Variants in OXCT1 observed in about 807,000 individuals in gnomAD.
OXCT1 encodes 3-oxoacid CoA-transferase 1, also known as succinyl-CoA:3-ketoacid coenzyme A transferase 1, mitochondrial.
A neutral mutation model predicts 69.6 loss-of-function variants in OXCT1; 27 were observed. The observed-to-expected ratio is 0.39, with a 90% CI of 0.29 to 0.54. The LOEUF is 0.54. Ranked by LOEUF, OXCT1 falls within the 20% of genes least tolerant of loss-of-function variation. The probability of loss-of-function intolerance (pLI) is 0.72; values close to 1 mark genes in which losing one functional copy is unlikely to be tolerated. For missense variants in OXCT1, 437 were observed against 650.2 expected, an observed-to-expected ratio of 0.67 and a Z score of 3.57; for synonymous variants, 202 against 217.8, an observed-to-expected ratio of 0.93 and a Z score of 0.64.
chr5:41,822,144 C>G (rs1747584268), intron 7 of OXCT1, among the ~76,000 whole-genome samples: 1 of 151,996 alleles, frequency 6.6e-6, no homozygotes, highest in Admixed American at 6.6e-5. Flanking sequence ...ACGCAGGTGA[C>G]ACGGATCTAG....
intron 5 of OXCT1, among the ~76,000 whole-genome samples, chr5:41,849,030 A>G (rs1001739676): frequency 1.3e-5 from 2 of 152,174 alleles, no homozygotes; most frequent in Non-Finnish European, 2.9e-5. Context: ...TTCGCAACCT[A>G]CTCTTCGGAC....
At chr5:41,820,325 T>C (rs372750955) in intron 7 of OXCT1, among the ~76,000 whole-genome samples, 59 of 152,300 alleles carry the variant, frequency 3.9e-4, no homozygotes, top group South Asian at 1.9e-3. Flanking sequence ...GGGGTTATAA[T>C]TGAAATTATC....
rs1414011350 is a variant in OXCT1, at chr5:41,780,801, T to C, written c.1248+13202A>G. On this transcript the variant is annotated intron_variant, in intron 13 of 16. Coordinates refer to ENST00000196371, the MANE Select transcript of OXCT1 (RefSeq NM_000436.4). ...GACCTGGAGAGTAAACTATACCATG[T>C]TCCTGGACAGGATGACTTAACTAAT... Among the ~76,000 whole-genome samples the C allele has an allele frequency of 3.3e-5, 5 of 152,210 alleles. No homozygotes were observed. In the East Asian group the frequency reaches 9.6e-4, roughly 29 times the overall value.
At chr5:41,834,296 G>C (rs953307778) in intron 7 of OXCT1, among the ~76,000 whole-genome samples, 7 of 151,886 alleles carry the variant, frequency 4.6e-5, no homozygotes, top group African/African-American at 1.7e-4. Context: ...GCACGAATAA[G>C]TCCCTACTTA....
At chr5:41,859,636 C>T (rs1274858874) in intron 3 of OXCT1, among the ~76,000 whole-genome samples, 1 of 151,874 alleles carries the variant, frequency 6.6e-6, no homozygotes, top group African/African-American at 2.4e-5. Flanking sequence ...GTTAGCCCTT[C>T]CCAGACAAAA....
intron 13 of OXCT1, among the ~76,000 whole-genome samples, chr5:41,785,295 C>T (rs2112195847): frequency 6.6e-6 from 1 of 152,278 alleles, no homozygotes; most frequent in South Asian, 2.1e-4. Context: ...TGGCTGGGTT[C>T]TTCCACAGTC....
rs772607518 is a variant in OXCT1, at chr5:41,861,297, T to A, written c.278+17A>T. 5 of 1,517,938 alleles carry A rather than the reference T, an allele frequency of 3.3e-6. No individual in the cohort carries two copies. The South Asian group carries it at 5.6e-5, about 17-fold the overall frequency. 94.0% of individuals were successfully genotyped at this position (1,517,938 alleles called of 1,614,324 possible). ...GGCATTTCTCTCCAGCCAATTGTTT[T>A]TAAAATGCACACTTACCCTGCATTG... On this transcript the variant is annotated intron_variant, in intron 3 of 16. Transcript: ENST00000196371.
At chr5:41,770,823 T>G (rs1378214934) in intron 13 of OXCT1, among the ~76,000 whole-genome samples, 1 of 152,186 alleles carries the variant, frequency 6.6e-6, no homozygotes, top group Non-Finnish European at 1.5e-5. Flanking sequence ...TTATGATAAT[T>G]GTATACATTA....
chr5:41,754,353 A>G (rs2112071200), intron 14 of OXCT1, among the ~76,000 whole-genome samples: 1 of 152,166 alleles, frequency 6.6e-6, no homozygotes, highest in East Asian at 1.9e-4. Flanking sequence ...ACACAAATAC[A>G]ATAATGGGAA....
At position 41,794,659 on chromosome 5, in the gene OXCT1, G is replaced by C; in HGVS notation, c.1172+18C>G. ...ATTCCATACTGTCTGAAACATGAGG[G>C]GCTCTGTTATTACATACCCTCTAAT... On this transcript the variant is annotated intron_variant, in intron 12 of 16. Coordinates refer to ENST00000196371, the MANE Select transcript of OXCT1 (RefSeq NM_000436.4). 6.2e-7 allele frequency: 1 copy of C among 1,607,510 alleles called. No individual in the cohort carries two copies. Among genetic ancestry groups the C allele is most frequent in the Non-Finnish European group, 8.5e-7 (1 of 1,174,992 alleles).
chr5:41,755,025 G>A (rs756748421), intron 14 of OXCT1, among the ~76,000 whole-genome samples: 11 of 151,950 alleles, frequency 7.2e-5, no homozygotes, highest in Non-Finnish European at 1.0e-4. Flanking sequence ...TAAAGGTTGC[G>A]TCCTATGATC....
chr5:41,814,639 A>G (rs1747143064), intron 7 of OXCT1, among the ~76,000 whole-genome samples: 1 of 148,274 alleles, frequency 6.7e-6, no homozygotes, highest in African/African-American at 2.5e-5. Context: ...AAAACCAAAC[A>G]CCGCATATTC....
At chr5:41,788,732 A>G (rs1047733632) in intron 13 of OXCT1, among the ~76,000 whole-genome samples, 2 of 152,204 alleles carry the variant, frequency 1.3e-5, no homozygotes, top group African/African-American at 4.8e-5. Flanking sequence ...CTGCTCTCTC[A>G]GTAATTGACA....
At chr5:41,752,780 T>C (rs1047524462) in intron 14 of OXCT1, among the ~76,000 whole-genome samples, 1 of 151,898 alleles carries the variant, frequency 6.6e-6, no homozygotes, top group African/African-American at 2.4e-5. Context: ...AAAAACTGAC[T>C]AGTCCTGAGG....
At chr5:41,808,924 G>A (rs967306629) in intron 7 of OXCT1, among the ~76,000 whole-genome samples, 1 of 151,926 alleles carries the variant, frequency 6.6e-6, no homozygotes, top group Non-Finnish European at 1.5e-5. Flanking sequence ...AGTATCCTGA[G>A]GATAGACATG....
intron 4 of OXCT1, among the ~76,000 whole-genome samples, chr5:41,852,657 T>A (rs1425364136): frequency 3.9e-5 from 6 of 152,208 alleles, no homozygotes; most frequent in Non-Finnish European, 7.3e-5. Context: ...GTAACATCAG[T>A]TCCCTGGGAA....
At chr5:41,803,897 G>C (rs1318862567) in intron 9 of OXCT1, among the ~76,000 whole-genome samples, 1 of 152,026 alleles carries the variant, frequency 6.6e-6, no homozygotes, top group African/African-American at 2.4e-5. Context: ...TAGGCAGGCT[G>C]ATCAGATCAA....
intron 1 of OXCT1, chr5:41,869,922 C>A (rs529227747): frequency 1.1e-5 from 4 of 360,490 alleles, no homozygotes; most frequent in African/African-American, 6.3e-5. Flanking sequence ...CTCCTCCCCC[C>A]GTTCAGACCC....
intron 5 of OXCT1, among the ~76,000 whole-genome samples, chr5:41,844,193 A>C (rs1748781587): frequency 6.6e-6 from 1 of 152,220 alleles, no homozygotes; most frequent in South Asian, 2.1e-4. Context: ...TGGTTTTGTC[A>C]AACTAGCTAT....
Sources: allele counts gnomAD v4.1 joint callset (sites outside exome capture counted in the v4.1 genomes callset), GRCh38; gene constraint gnomAD v4.1.1; transcripts MANE v1.5; gene names NCBI Gene and HGNC (gene_info 2026-07-23, HGNC 2026-07-21).